Variants in ZUP1 observed in about 807,000 individuals in gnomAD.
ZUP1 encodes the protein zinc finger-containing ubiquitin peptidase 1.
Under a neutral mutation model 68.1 loss-of-function variants are expected in ZUP1, and 55 were observed. That is an observed-to-expected ratio of 0.81 (90% CI 0.65 to 1.01). The LOEUF (loss-of-function observed/expected upper bound fraction) is 1.01. ZUP1 is among the 50% of genes least tolerant of loss of function. The pLI, the probability that ZUP1 is intolerant of heterozygous loss-of-function variation, is 0.00. For synonymous variants in ZUP1, 223 were observed against 221.5 expected (o/e 1.01, Z -0.06); for missense variants, 684 against 674.9 (o/e 1.01, Z -0.15).
At chr6:116,665,569 CT>C (rs753039436) in intron 2 of ZUP1, among the ~76,000 whole-genome samples, 21,091 of 111,492 alleles carry the variant, frequency 0.19, 1,062 homozygotes, top group East Asian at 0.25. Flanking sequence ...AAAAATTTTT[CT>C]TTTTTTTTTT....
intron 9 of ZUP1, among the ~76,000 whole-genome samples, chr6:116,643,978 A>C (rs928559036): frequency 6.6e-6 from 1 of 152,198 alleles, no homozygotes; most frequent in African/African-American, 2.4e-5. Flanking sequence ...CAATGAACTC[A>C]AACAAATTTA....
chr6:116,645,595 A>G (rs1583364788), intron 9 of ZUP1, 119 bp downstream of exon 9: 1 of 797,712 alleles, frequency 1.3e-6, no homozygotes, highest in East Asian at 2.9e-5. Flanking sequence ...AAAAAAAAAA[A>G]AAAAAAGAAA....
rs1317470519 is a variant in ZUP1, at chr6:116,635,890, A to G, written c.1690-11T>C. 6.4e-7 allele frequency: 1 copy of G among 1,573,918 alleles called. No individual in the cohort carries two copies. Among genetic ancestry groups the G allele is most frequent in the East Asian group, 2.3e-5 (1 of 43,662 alleles). Reference sequence around the variant, plus strand: ...AGCTTGTCTCCTGGCCTTGAAAAGAAATTTTAAAAAACAATTTTAAGCTAT... The same window carrying G: ...AGCTTGTCTCCTGGCCTTGAAAAGAGATTTTAAAAAACAATTTTAAGCTAT... On this transcript the variant is annotated splice_polypyrimidine_tract_variant and intron_variant, in intron 9 of 9. Transcript: ENST00000368576.
intron 8 of ZUP1, 200 bp from the exon 9 acceptor site, chr6:116,646,134 G>T (rs552081050): frequency 1.2e-5 from 5 of 413,516 alleles, no homozygotes; most frequent in South Asian, 1.6e-4. Flanking sequence ...GTTTTCTAAA[G>T]GCTTCATTAC....
intron 5 of ZUP1, among the ~76,000 whole-genome samples, chr6:116,656,071 TTTTTTG>T (rs1055096566): frequency 4.7e-5 from 6 of 128,618 alleles, no homozygotes; most frequent in South Asian, 2.6e-4. Flanking sequence ...CTTTTCACTT[TTTTTTG>T]TTTTTTTTTT....
chr6:116,641,510 A>C (rs12203216), intron 9 of ZUP1, among the ~76,000 whole-genome samples: 31,419 of 151,130 alleles, frequency 0.21, 3,475 homozygotes, highest in Non-Finnish European at 0.27. Flanking sequence ...CAGTGCAAGC[A>C]AACTAGAACT....
intron 4 of ZUP1, among the ~76,000 whole-genome samples, chr6:116,657,656 A>G (rs898902129): frequency 6.6e-6 from 1 of 152,260 alleles, no homozygotes; most frequent in African/African-American, 2.4e-5. Context: ...TGATATGTAC[A>G]TGCACATTAG....
intron 9 of ZUP1, among the ~76,000 whole-genome samples, chr6:116,638,284 G>T (rs1562397131): frequency 6.6e-6 from 1 of 151,858 alleles, no homozygotes; most frequent in Admixed American, 6.6e-5. Context: ...TAGGGCTTAC[G>T]CATTTTCTAC....
intron 9 of ZUP1, among the ~76,000 whole-genome samples, chr6:116,642,013 G>A (rs569773193): frequency 3.2e-4 from 49 of 152,150 alleles, no homozygotes; most frequent in East Asian, 1.4e-3. Flanking sequence ...TATCACCACC[G>A]ATCCCACAGA....
intron 9 of ZUP1, among the ~76,000 whole-genome samples, chr6:116,641,746 C>T (rs1350746005): frequency 6.6e-6 from 1 of 151,738 alleles, no homozygotes; most frequent in Non-Finnish European, 1.5e-5. Context: ...AGAAAAGATC[C>T]AAAATTGACA....
chr6:116,664,069 T>C (rs1257378402), intron 2 of ZUP1, among the ~76,000 whole-genome samples: 1 of 152,112 alleles, frequency 6.6e-6, no homozygotes, highest in Non-Finnish European at 1.5e-5. Context: ...GGGAAAAAAA[T>C]CTAATTTACA....
At position 116,635,772 on chromosome 6, in the gene ZUP1, T is replaced by C. The variant is rs1775894716; in HGVS notation, c.*60A>G. On this transcript the variant is annotated 3_prime_UTR_variant, in exon 10 of 10. Transcript: ENST00000368576. ...CATAATTGTATTAAGGAGTTCAATA[T>C]CTACATTTAGAAAACAAAGTATTGT... 1 of 1,382,878 alleles carries C rather than the reference T, an allele frequency of 7.2e-7. No individual in the cohort carries two copies. The highest frequency in any genetic ancestry group is 1.3e-5 in the South Asian group (1 of 76,750). 85.7% of individuals were successfully genotyped at this position (1,382,878 alleles called of 1,614,324 possible).
rs113619364 is a variant in ZUP1, at chr6:116,646,662, A to G, written c.1469-728T>C. 3.3e-3 allele frequency among the ~76,000 whole-genome samples: 499 copies of G among 152,204 alleles called. 4 individuals are homozygous for G. The highest frequency in any genetic ancestry group is 0.012 in the African/African-American group (482 of 41,532). ...GAATCATGGCTCACTATAGCCCCCA[A>G]CTCCAAGGCTCAAGTGACCCTCCCA... On this transcript the variant is annotated intron_variant, in intron 8 of 9. Coordinates refer to ENST00000368576, the MANE Select transcript of ZUP1 (RefSeq NM_145062.3).
intron 2 of ZUP1, among the ~76,000 whole-genome samples, chr6:116,662,580 A>G (rs1776875942): frequency 6.6e-6 from 1 of 152,120 alleles, no homozygotes; most frequent in Non-Finnish European, 1.5e-5. Context: ...TACCCCTCCT[A>G]TTCTCCCAAT....
At chr6:116,656,403 T>A (rs1776663881) in intron 5 of ZUP1, among the ~76,000 whole-genome samples, 1 of 152,106 alleles carries the variant, frequency 6.6e-6, no homozygotes, top group South Asian at 2.1e-4. Flanking sequence ...CTTTTGTTAA[T>A]GTGGAGCCAG....
intron 2 of ZUP1, 24 bp downstream of exon 2, chr6:116,666,610 T>A: frequency 1.3e-6 from 2 of 1,518,774 alleles, no homozygotes; most frequent in Non-Finnish European, 1.8e-6. Context: ...AAACTTATAA[T>A]TTATAATGAA....
chr6:116,636,572 A>G (rs1474471618), intron 9 of ZUP1, among the ~76,000 whole-genome samples: 2 of 152,208 alleles, frequency 1.3e-5, no homozygotes, highest in Non-Finnish European at 2.9e-5. Flanking sequence ...GTCTGAAATT[A>G]GTAGACACTC....
At chr6:116,641,389 T>C (rs565866908) in intron 9 of ZUP1, among the ~76,000 whole-genome samples, 153 of 152,178 alleles carry the variant, frequency 1.0e-3, no homozygotes, top group Admixed American at 8.9e-3. Flanking sequence ...AATATACTTT[T>C]TTTTCAGCAC....
At position 116,652,153 on chromosome 6, in the gene ZUP1, G is replaced by A. The variant is rs2114255210; in HGVS notation, c.1001C>T (p.Ala334Val). 6.2e-7 allele frequency: 1 copy of A among 1,613,922 alleles called. No individual in the cohort carries two copies. Among genetic ancestry groups the A allele is most frequent in the East Asian group, 2.2e-5 (1 of 44,874 alleles). ...AAGCCACACCCGTCTCACATCTGTG[G>A]CAGCATTCTGATAATACCTATGAAG... ...EALHRYYQNA[A>V]TDVRRVWLSS... The change falls in exon 6 of 10, where the codon GCC (alanine) becomes GTC (valine). Residue 334 changes from alanine (A) to valine (V), a missense_variant. Coordinates refer to ENST00000368576, the MANE Select transcript of ZUP1 (RefSeq NM_145062.3).
Sources: gnomAD v4.1 joint callset for allele counts (sites outside exome capture counted in the v4.1 genomes callset) on GRCh38, gnomAD v4.1.1 for gene constraint, MANE v1.5 for transcripts, NCBI Gene and HGNC (gene_info 2026-07-23, HGNC 2026-07-21) for gene names.